Variants in SUMF1 observed in about 807,000 individuals in gnomAD.
SUMF1 encodes sulfatase modifying factor 1, also known as formylglycine-generating enzyme.
Under a neutral mutation model 47.6 loss-of-function variants are expected in SUMF1, and 48 were observed. The ratio of observed to expected loss-of-function variants is 1.01; its 90% CI spans 0.80 to 1.28. The LOEUF (loss-of-function observed/expected upper bound fraction) is 1.28. SUMF1 is among the 50% of genes most tolerant of loss of function. The pLI is 0.00. For missense variants in SUMF1, 571 were observed against 485.4 expected (o/e 1.18, Z -1.66); for synonymous variants, 230 against 192.1 (o/e 1.20, Z -1.63).
chr3:4,144,025 C>G (rs1030246638), intron 8 of SUMF1, among the ~76,000 whole-genome samples: 16 of 143,608 alleles, frequency 1.1e-4, no homozygotes, highest in African/African-American at 3.9e-4. Flanking sequence ...GGGTCTCGCT[C>G]TGTCACCCAT....
intron 9 of SUMF1, among the ~76,000 whole-genome samples, chr3:4,040,970 C>T (rs1574840434): frequency 1.3e-5 from 2 of 152,166 alleles, no homozygotes; most frequent in South Asian, 4.1e-4. Flanking sequence ...TCAGGAGTAA[C>T]CTCAGGTTGG....
At chr3:4,452,126 G>A (rs1702995402) in intron 2 of SUMF1, among the ~76,000 whole-genome samples, 1 of 150,756 alleles carries the variant, frequency 6.6e-6, no homozygotes, top group Non-Finnish European at 1.5e-5. Flanking sequence ...AGACATTTGG[G>A]GTCTTAAAAA....
rs900851891 is a variant in SUMF1, at chr3:4,229,488, C to T, written c.1014+146842G>A. On this transcript the variant is annotated intron_variant and NMD_transcript_variant, in intron 8 of 12. Transcript: ENST00000448413. Reference sequence around the variant, plus strand: ...GAAAAACTATTGCACCTCTCCAGGCCTTAGTTCTCTCATCTATGAAATTAC... The same window carrying T: ...GAAAAACTATTGCACCTCTCCAGGCTTTAGTTCTCTCATCTATGAAATTAC... The T allele has an allele frequency of 3.9e-5, 8 of 206,924 alleles. 1 individual carries two copies. The highest frequency in any genetic ancestry group is 5.9e-5 in the Non-Finnish European group (6 of 101,214). 12.8% of individuals were successfully genotyped at this position (206,924 alleles called of 1,614,324 possible).
chr3:4,068,743 G>T (rs1306825169), exon 9 of SUMF1: 4 of 378,362 alleles, frequency 1.1e-5, no homozygotes, highest in African/African-American at 4.3e-5. Context: ...AGTACTCTTG[G>T]GACTAAAACA....
At chr3:4,209,644 T>A (rs1171519958) in intron 8 of SUMF1, among the ~76,000 whole-genome samples, 1 of 151,934 alleles carries the variant, frequency 6.6e-6, no homozygotes, top group African/African-American at 2.4e-5. Flanking sequence ...AAAAATAACA[T>A]TCAGAAAAAG....
intron 1 of SUMF1, among the ~76,000 whole-genome samples, chr3:4,466,128 T>C (rs1030024136): frequency 2.0e-5 from 3 of 152,178 alleles, no homozygotes; most frequent in East Asian, 1.9e-4. Flanking sequence ...TTTTTTTTTT[T>C]CGAGACGGAG....
chr3:4,122,514 T>C (rs1050868031), intron 8 of SUMF1, among the ~76,000 whole-genome samples: 14 of 152,142 alleles, frequency 9.2e-5, no homozygotes, highest in African/African-American at 3.4e-4. Context: ...ATGTACTAAA[T>C]GCCACTAATT....
chr3:4,068,604 G>C lies in SUMF1; in HGVS notation c.1156C>G (p.Arg386Gly), dbSNP rs149614513. Residue 386 changes from arginine (R) to glycine (G), a missense_variant and NMD_transcript_variant, in exon 9 of 13, where the codon CGT (arginine) becomes GGT (glycine). Physicochemically the swap from Arg to Gly is moderately radical, Grantham distance 125 (BLOSUM62 -2). Coordinates refer to the SUMF1 transcript ENST00000448413. ...AATTCAAACTTGCCACATGTCAAAC[G>C]TTCAATAGCTGCATATTGCTGATGC... is the stretch of plus-strand genomic sequence containing the variant. 4.2e-4 allele frequency: 172 copies of C among 413,236 alleles called. 2 individuals carry two copies. Among genetic ancestry groups the C allele is most frequent in the Admixed American group, 4.2e-4 (15 of 35,384 alleles). The allele number at this position is 413,236 out of a possible 1,614,324, so 25.6% of individuals were successfully genotyped here.
At chr3:4,391,229 G>A (rs1298609079) in intron 7 of SUMF1, among the ~76,000 whole-genome samples, 1 of 151,788 alleles carries the variant, frequency 6.6e-6, no homozygotes. Context: ...GATTTGTCCA[G>A]GTGTGGTTTT....
chr3:4,142,069 C>A (rs1268974552), intron 8 of SUMF1, among the ~76,000 whole-genome samples: 1 of 152,170 alleles, frequency 6.6e-6, no homozygotes, highest in African/African-American at 2.4e-5. Context: ...ACAAAAGTAT[C>A]TCCAGGGTAT....
chr3:4,285,889 G>A (rs1458245820), intron 8 of SUMF1, among the ~76,000 whole-genome samples: 2 of 152,062 alleles, frequency 1.3e-5, no homozygotes, highest in African/African-American at 4.8e-5. Flanking sequence ...TTAACTAAAA[G>A]TATAAATTAT....
chr3:4,446,253 T>G lies in SUMF1; in HGVS notation c.519+3013A>C, dbSNP rs116042711. Reference sequence around the variant, plus strand: ...AGGGACTCAGTGGGAGGTAACTGAATCATGGGAGCAGGTTTTCCTGTGCTG... The same window carrying G: ...AGGGACTCAGTGGGAGGTAACTGAAGCATGGGAGCAGGTTTTCCTGTGCTG... On this transcript the variant is annotated intron_variant, in intron 3 of 8. Coordinates refer to ENST00000272902, the MANE Select transcript of SUMF1 (RefSeq NM_182760.4). Among the ~76,000 whole-genome samples the G allele has an allele frequency of 5.4e-3, 826 of 152,308 alleles. 8 individuals carry two copies. The highest frequency in any genetic ancestry group is 0.017 in the African/African-American group (725 of 41,568).
chr3:4,449,240 C>T lies in SUMF1; in HGVS notation c.519+26G>A, dbSNP rs753710403. 6.2e-6 allele frequency: 10 copies of T among 1,613,488 alleles called. No homozygotes were observed. In the Admixed American group the frequency reaches 1.7e-4, roughly 27 times the overall value. ...CTTTTCAATGAGCCTTAGAGAAATA[C>T]AGGAGCCTGTTGAAACATTACTTAC... On this transcript the variant is annotated intron_variant, in intron 3 of 8. Coordinates refer to ENST00000272902, the MANE Select transcript of SUMF1 (RefSeq NM_182760.4).
intron 7 of SUMF1, among the ~76,000 whole-genome samples, chr3:4,384,762 T>G (rs1217866218): frequency 6.6e-6 from 1 of 152,236 alleles, no homozygotes; most frequent in Admixed American, 6.5e-5. Flanking sequence ...TTCTAGTTTT[T>G]TTGGCTATTA....
At chr3:4,317,740 C>T (rs1698722181) in intron 8 of SUMF1, among the ~76,000 whole-genome samples, 2 of 152,148 alleles carry the variant, frequency 1.3e-5, no homozygotes, top group African/African-American at 2.4e-5. Context: ...CAGTGTGTTA[C>T]CATTGAACAA....
rs551206774 is a variant in SUMF1 at position 4,241,245 on chromosome 3, G to A, written c.1014+135085C>T. On this transcript the variant is annotated intron_variant and NMD_transcript_variant, in intron 8 of 12. Coordinates refer to the SUMF1 transcript ENST00000448413. ...AAGGATCTTCAACTTCTAAAACCCT[G>A]TGATATAAATGATTAATACATCCAG... 4.3e-4 allele frequency among the ~76,000 whole-genome samples: 65 copies of A among 152,248 alleles called. 2 individuals are homozygous for A. Among genetic ancestry groups the A allele is most frequent in the South Asian group, 1.2e-3 (6 of 4,830 alleles).
At chr3:4,329,765 G>T (rs1352181311) in intron 8 of SUMF1, among the ~76,000 whole-genome samples, 2 of 147,636 alleles carry the variant, frequency 1.4e-5, no homozygotes, top group East Asian at 4.0e-4. Flanking sequence ...CTTAGAAAAT[G>T]TTTTTTTTTT....
At chr3:4,140,191 A>G (rs1163138752) in intron 8 of SUMF1, among the ~76,000 whole-genome samples, 2 of 152,060 alleles carry the variant, frequency 1.3e-5, no homozygotes, top group Admixed American at 6.6e-5. Flanking sequence ...GATAGAATTT[A>G]TACCTCTGGC....
chr3:4,096,533 G>A (rs1345471836), intron 8 of SUMF1, among the ~76,000 whole-genome samples: 1 of 152,086 alleles, frequency 6.6e-6, no homozygotes, highest in African/African-American at 2.4e-5. Context: ...TCAGACTTCA[G>A]ACAGCCATTG....
Sources: gnomAD v4.1 joint callset for allele counts (sites outside exome capture counted in the v4.1 genomes callset) on GRCh38, gnomAD v4.1.1 for gene constraint, MANE v1.5 for transcripts, NCBI Gene and HGNC (gene_info 2026-07-23, HGNC 2026-07-21) for gene names.